The following NBPF9 variants were observed in gnomAD, a reference collection of about 807,000 sequenced individuals.
NBPF9 encodes NBPF member 9, also known as NBPF family member NBPF9.
In NBPF9, 91 loss-of-function variants were observed where a neutral mutation model predicts 97.8. That is an observed-to-expected ratio of 0.93 (90% CI 0.79 to 1.11). NBPF9 has a LOEUF of 1.11. Ranked by LOEUF, NBPF9 falls within the 50% of genes least tolerant of loss-of-function variation. The pLI, the probability that NBPF9 is intolerant of heterozygous loss-of-function variation, is 0.00. For synonymous variants in NBPF9, 334 were observed against 359.5 expected, an observed-to-expected ratio of 0.93 and a Z score of 0.80; for missense variants, 992 against 939.5, an observed-to-expected ratio of 1.06 and a Z score of -0.73.
chr1:149,084,101 A>G (rs1322886987), intron 5 of NBPF9, among the ~76,000 whole-genome samples: 1 of 151,280 alleles, frequency 6.6e-6, no homozygotes, highest in African/African-American at 2.4e-5. Context: ...GAAATGAACA[A>G]TGAGAACACT....
exon 1 of NBPF9, chr1:149,103,543 C>G (rs1325893784): frequency 2.0e-5 from 3 of 152,354 alleles, no homozygotes; most frequent in Non-Finnish European, 2.9e-5. Context: ...GGGTCCCGCT[C>G]GGCGCGTCAG....
At position 149,072,080 on chromosome 1, in the gene NBPF9, A is replaced by G. The variant is rs587626733; in HGVS notation, c.1307-404T>C. ...AGACAAACTTGTCCCACAGTCCTCT[A>G]TGCATCAGAAGATTTCAAGCCTCCA... On this transcript the variant is annotated intron_variant, in intron 14 of 29. Transcript: ENST00000584027. Among the ~76,000 whole-genome samples, 15 of 148,620 alleles carry G rather than the reference A, an allele frequency of 1.0e-4. No individual in the cohort carries two copies. In the South Asian group the frequency reaches 2.9e-3, roughly 29 times the overall value.
In NBPF9 at chr1:149,059,327, G is replaced by A. The variant is rs2078447953; in HGVS notation, c.2586-230C>T. On this transcript the variant is annotated intron_variant, in intron 25 of 29. Coordinates refer to ENST00000584027, the Ensembl canonical transcript of NBPF9. Reference sequence around the variant, plus strand: ...ACAGAGACAGAGAGAAAGTGACCTAGTGAATTGGCCGGGTGACACACTGAT... The same window carrying A: ...ACAGAGACAGAGAGAAAGTGACCTAATGAATTGGCCGGGTGACACACTGAT... 1.1e-5 allele frequency: 5 copies of A among 474,506 alleles called. 1 individual carries two copies. In the African/African-American group the frequency reaches 1.2e-4, roughly 11 times the overall value. The allele number at this position is 474,506 out of a possible 1,614,324, so 29.4% of individuals were successfully genotyped here. A position where few individuals can be genotyped will look rare whatever the true frequency, so the allele number is the denominator to read the frequency against.
intron 29 of NBPF9, 106 bp from the exon 30 acceptor site, chr1:149,056,005 G>T (rs1318212554): frequency 6.2e-7 from 1 of 1,604,426 alleles, no homozygotes; most frequent in Admixed American, 1.7e-5. Context: ...AAAGAAAAAG[G>T]ATAGATCCAT....
At chr1:149,078,928 T>G in intron 9 of NBPF9, 79 bp downstream of exon 9, 1 of 1,560,262 alleles carries the variant, frequency 6.4e-7, no homozygotes, top group South Asian at 1.1e-5. Context: ...CTGATACAAC[T>G]GTCATTGTGA....
chr1:149,071,506 C>A (rs636029), intron 15 of NBPF9, 98 bp downstream of exon 15: 9 of 1,153,308 alleles, frequency 7.8e-6, no homozygotes, highest in South Asian at 2.5e-5. Flanking sequence ...CAAGCGAATG[C>A]GGGTTTTTGG....
rs1553657222 is a variant in NBPF9, at chr1:149,082,743, T to TA, written c.-194-314dup. On this transcript the variant is annotated intron_variant, in intron 5 of 29. Coordinates refer to ENST00000584027, the Ensembl canonical transcript of NBPF9. Reference sequence around the variant, plus strand: ...TTAATGGTAGTCATGAAGTCATAAATAAAAAAATGGAATCATTTAGTATGT... The same window carrying TA: ...TTAATGGTAGTCATGAAGTCATAAATAAAAAAAATGGAATCATTTAGTATGT... Among the ~76,000 whole-genome samples the TA allele has an allele frequency of 5.5e-5, 8 of 145,782 alleles. No homozygotes were observed. The South Asian group carries it at 8.7e-4, about 16-fold the overall frequency.
At chr1:149,086,361 C>T (rs1219023249) in intron 5 of NBPF9, among the ~76,000 whole-genome samples, 1 of 150,164 alleles carries the variant, frequency 6.7e-6, no homozygotes, top group African/African-American at 2.4e-5. Context: ...CTAGGTTTTT[C>T]CTGGGCCTTA....
chr1:149,085,241 A>T (rs2080894059), intron 5 of NBPF9, among the ~76,000 whole-genome samples: 1 of 149,396 alleles, frequency 6.7e-6, no homozygotes, highest in African/African-American at 2.5e-5. Context: ...TTATGAATAA[A>T]AAAGATTCTA....
exon 13 of NBPF9, chr1:149,073,847 T>C (rs1421603660): frequency 5.4e-6 from 8 of 1,490,028 alleles, no homozygotes; most frequent in Non-Finnish European, 7.4e-6. Flanking sequence ...ATAAATTTTA[T>C]GAGGTCTTTA....
At chr1:149,101,067 A>G in intron 3 of NBPF9, among the ~76,000 whole-genome samples, 195 bp downstream of exon 3, 1 of 151,508 alleles carries the variant, frequency 6.6e-6, no homozygotes, top group Non-Finnish European at 1.5e-5. Context: ...AAAGGAAAAG[A>G]TTGATAAAGT....
At chr1:149,079,670 T>C (rs2080236679) in intron 8 of NBPF9, among the ~76,000 whole-genome samples, 1 of 150,506 alleles carries the variant, frequency 6.6e-6, no homozygotes, top group African/African-American at 2.4e-5. Flanking sequence ...GAAGGCAACA[T>C]TGATTGAGTG....
At chr1:149,055,490 C>A in exon 30 of NBPF9, 19 of 1,488,226 alleles carry the variant, frequency 1.3e-5, no homozygotes, top group Admixed American at 4.1e-5. Flanking sequence ...TGTCTTCAGA[C>A]TGAGCACAGG....
intron 5 of NBPF9, among the ~76,000 whole-genome samples, chr1:149,085,531 A>T (rs2080921611): frequency 6.6e-6 from 1 of 152,172 alleles, no homozygotes; most frequent in Non-Finnish European, 1.5e-5. Flanking sequence ...AATTGTGTTG[A>T]TGTAATATGC....
chr1:149,081,627 A>T (rs2080455595), intron 7 of NBPF9, among the ~76,000 whole-genome samples: 1 of 151,106 alleles, frequency 6.6e-6, no homozygotes. Flanking sequence ...AACAGACTAG[A>T]TGTTATTTGT....
At chr1:149,084,073 G>T in intron 5 of NBPF9, among the ~76,000 whole-genome samples, 1 of 151,304 alleles carries the variant, frequency 6.6e-6, no homozygotes, top group South Asian at 2.1e-4. Flanking sequence ...GTGCGAGCAT[G>T]TTCTCACTCA....
At chr1:149,084,402 CAA>C (rs1199378618) in intron 5 of NBPF9, among the ~76,000 whole-genome samples, 3 of 146,384 alleles carry the variant, frequency 2.0e-5, no homozygotes, top group Non-Finnish European at 4.5e-5. Flanking sequence ...ACATAATATA[CAA>C]TATATATAAC....
chr1:149,096,086 T>C (rs1193831240), intron 4 of NBPF9, among the ~76,000 whole-genome samples: 1 of 152,048 alleles, frequency 6.6e-6, no homozygotes, highest in East Asian at 1.9e-4. Context: ...AAGTACATAA[T>C]GCTAGAAAGA....
At chr1:149,056,201 T>C in intron 29 of NBPF9, among the ~76,000 whole-genome samples, 1 of 150,034 alleles carries the variant, frequency 6.7e-6, no homozygotes, top group African/African-American at 2.5e-5. Flanking sequence ...AGTGCCCTCA[T>C]GACACACAGC....
Sources: gnomAD v4.1 joint callset for allele counts (sites outside exome capture counted in the v4.1 genomes callset) on GRCh38, gnomAD v4.1.1 for gene constraint, MANE v1.5 for transcripts, NCBI Gene and HGNC (gene_info 2026-07-23, HGNC 2026-07-21) for gene names.